Variants in TMEM132D observed in about 807,000 individuals in gnomAD.
TMEM132D encodes mature OL transmembrane protein.
A neutral mutation model predicts 62.3 loss-of-function variants in TMEM132D; 21 were observed. That is an observed-to-expected ratio of 0.34 (90% CI 0.24 to 0.49). The LOEUF (loss-of-function observed/expected upper bound fraction) is 0.49. Ranked by LOEUF, TMEM132D falls within the 20% of genes least tolerant of loss-of-function variation. TMEM132D has a pLI of 0.99. For synonymous variants in TMEM132D, 621 were observed against 575.6 expected, an observed-to-expected ratio of 1.08 and a Z score of -1.13; for missense variants, 1,346 against 1,402.8, an observed-to-expected ratio of 0.96 and a Z score of 0.65.
chr12:129,664,047 G>A (rs1410513495), intron 2 of TMEM132D, among the ~76,000 whole-genome samples: 3 of 152,090 alleles, frequency 2.0e-5, no homozygotes, highest in African/African-American at 7.2e-5. Flanking sequence ...TGGCGTTTTT[G>A]GTGAAGGAAA....
intron 4 of TMEM132D, among the ~76,000 whole-genome samples, chr12:129,230,408 T>C (rs547569604): frequency 2.9e-4 from 44 of 152,384 alleles, no homozygotes; most frequent in South Asian, 8.3e-4. Flanking sequence ...ACCCCACTGA[T>C]GACAGATGAA....
At chr12:129,303,735 G>A (rs1167461358) in intron 4 of TMEM132D, among the ~76,000 whole-genome samples, 1 of 151,700 alleles carries the variant, frequency 6.6e-6, no homozygotes, top group Non-Finnish European at 1.5e-5. Context: ...TATGGAGGCT[G>A]AGAAGTCCCA....
At chr12:129,179,289 T>C (rs1877996952) in intron 5 of TMEM132D, among the ~76,000 whole-genome samples, 1 of 152,126 alleles carries the variant, frequency 6.6e-6, no homozygotes, top group Non-Finnish European at 1.5e-5. Context: ...TTTGCAGATG[T>C]GGGGAAGGGT....
chr12:129,151,747 C>T (rs1232372156), intron 5 of TMEM132D, among the ~76,000 whole-genome samples: 1 of 152,124 alleles, frequency 6.6e-6, no homozygotes, highest in African/African-American at 2.4e-5. Flanking sequence ...CCAGATGTTG[C>T]CCCCCGTCTT....
intron 4 of TMEM132D, among the ~76,000 whole-genome samples, chr12:129,256,866 A>G (rs544818583): frequency 6.6e-6 from 1 of 151,528 alleles, no homozygotes; most frequent in South Asian, 2.1e-4. Flanking sequence ...CGGCCTGTTT[A>G]TATTGTTTAA....
intron 5 of TMEM132D, among the ~76,000 whole-genome samples, chr12:129,208,084 T>C (rs1936963646): frequency 6.6e-6 from 1 of 152,170 alleles, no homozygotes; most frequent in South Asian, 2.1e-4. Flanking sequence ...ATATCGCCCG[T>C]GACCGCCCTG....
In TMEM132D at chr12:129,638,801, G is replaced by A. The variant is rs155366; in HGVS notation, c.968+61009C>T. Among the ~76,000 whole-genome samples, 581 of 152,102 alleles carry A rather than the reference G, an allele frequency of 3.8e-3. 4 individuals carry two copies. Among genetic ancestry groups the A allele is most frequent in the African/African-American group, 0.013 (542 of 41,482 alleles). ...AAGAGTCCCACTCAGGTCCAATGCT[G>A]TAAGCAGTCCCCGCAATTATGAATC... On this transcript the variant is annotated intron_variant, in intron 2 of 8. Transcript: ENST00000422113.
At chr12:129,780,090 G>A (rs974967953) in intron 1 of TMEM132D, among the ~76,000 whole-genome samples, 1 of 151,926 alleles carries the variant, frequency 6.6e-6, no homozygotes, top group East Asian at 1.9e-4. Flanking sequence ...CAACTAAGAC[G>A]CTTCTCCCAC....
chr12:129,253,786 T>C (rs1880330927), intron 4 of TMEM132D, among the ~76,000 whole-genome samples: 1 of 152,176 alleles, frequency 6.6e-6, no homozygotes. Flanking sequence ...TAAATATTCC[T>C]AACTCAGTGG....
At chr12:129,567,899 C>A (rs1877411991) in intron 2 of TMEM132D, among the ~76,000 whole-genome samples, 2 of 152,146 alleles carry the variant, frequency 1.3e-5, no homozygotes, top group South Asian at 2.1e-4. Context: ...GATTGAGAAC[C>A]ACCAGTTTAA....
At chr12:129,570,873 C>T (rs1219907981) in intron 2 of TMEM132D, among the ~76,000 whole-genome samples, 1 of 152,246 alleles carries the variant, frequency 6.6e-6, no homozygotes, top group African/African-American at 2.4e-5. Context: ...CTGACATGAA[C>T]GAGGAGATCC....
intron 1 of TMEM132D, among the ~76,000 whole-genome samples, chr12:129,838,749 A>G (rs1798312003): frequency 6.6e-6 from 1 of 152,160 alleles, no homozygotes; most frequent in South Asian, 2.1e-4. Context: ...GCAAACAAGA[A>G]CACTATTTAA....
chr12:129,832,035 CTTTTT>C (rs71085577), intron 1 of TMEM132D, among the ~76,000 whole-genome samples: 1 of 94,172 alleles, frequency 1.1e-5, no homozygotes, highest in Non-Finnish European at 1.9e-5. Context: ...ATGCCCGGCT[CTTTTT>C]TTTTTTTTTT....
intron 1 of TMEM132D, among the ~76,000 whole-genome samples, chr12:129,836,220 CAATCCTTTAAA>C (rs1195795815): frequency 1.3e-5 from 2 of 152,144 alleles, no homozygotes; most frequent in African/African-American, 2.4e-5. Context: ...TTAGATCTTA[CAATCCTTTAAA>C]AATCCTTTAA....
intron 1 of TMEM132D, among the ~76,000 whole-genome samples, chr12:129,836,495 AGTGT>A (rs3046909): frequency 8.6e-5 from 13 of 150,894 alleles, no homozygotes; most frequent in African/African-American, 1.7e-4. Context: ...AGGAATGCAG[AGTGT>A]GTGTGTGTGT....
At chr12:129,617,391 T>A (rs895651427) in intron 2 of TMEM132D, among the ~76,000 whole-genome samples, 1 of 152,168 alleles carries the variant, frequency 6.6e-6, no homozygotes, top group Non-Finnish European at 1.5e-5. Context: ...TCACTTCACC[T>A]CCCTGTACCC....
At position 129,403,610 on chromosome 12, in the gene TMEM132D, T is replaced by C. The variant is rs116822476; in HGVS notation, c.1116-65793A>G. Among the ~76,000 whole-genome samples, 1,521 of 152,170 alleles carry C rather than the reference T, an allele frequency of 1.0e-2. 20 individuals carry two copies. The highest frequency in any genetic ancestry group is 0.035 in the African/African-American group (1,444 of 41,500). On this transcript the variant is annotated intron_variant, in intron 3 of 8. Coordinates refer to ENST00000422113, the MANE Select transcript of TMEM132D (RefSeq NM_133448.3). ...ACCCTTCCTGAGCAATCTGCTAATA[T>C]TCATGAAATTACCATTCATTGACCC...
chr12:129,470,518 T>C (rs1345767887), intron 3 of TMEM132D, among the ~76,000 whole-genome samples: 2 of 152,202 alleles, frequency 1.3e-5, no homozygotes, highest in Non-Finnish European at 2.9e-5. Flanking sequence ...GGTGATTCTC[T>C]GTGATGGGTA....
intron 2 of TMEM132D, among the ~76,000 whole-genome samples, chr12:129,577,792 AG>A (rs1877718378): frequency 6.6e-6 from 1 of 152,188 alleles, no homozygotes; most frequent in African/African-American, 2.4e-5. Flanking sequence ...TGTTGTTCAA[AG>A]GTCACCTCTG....
Sources: gnomAD v4.1 joint callset for allele counts (sites outside exome capture counted in the v4.1 genomes callset) on GRCh38, gnomAD v4.1.1 for gene constraint, MANE v1.5 for transcripts, NCBI Gene and HGNC (gene_info 2026-07-23, HGNC 2026-07-21) for gene names.